LAP3: variants seen among roughly 807,000 people sequenced by gnomAD.
The protein encoded by LAP3 is cytosol aminopeptidase.
A neutral mutation model predicts 58.8 loss-of-function variants in LAP3; 46 were observed. That is an observed-to-expected ratio of 0.78 (90% CI 0.62 to 1.00). The LOEUF (loss-of-function observed/expected upper bound fraction) is 1.00, where lower values mean the gene tolerates loss of function less well. LAP3 is among the 50% of genes least tolerant of loss of function. The probability of loss-of-function intolerance (pLI) is 0.00; values close to 1 mark genes in which losing one functional copy is unlikely to be tolerated. For missense variants in LAP3, 615 were observed against 659.1 expected, an observed-to-expected ratio of 0.93 and a Z score of 0.73; for synonymous variants, 257 against 237.7, an observed-to-expected ratio of 1.08 and a Z score of -0.75.
At chr4:17,602,453 CTAATTAATGTAAAAATAGAAG>C (rs1714004730) in intron 10 of LAP3, among the ~76,000 whole-genome samples, 2 of 151,962 alleles carry the variant, frequency 1.3e-5, no homozygotes, top group Admixed American at 1.3e-4. Context: ...TAAAAATATG[CTAATTAATGTAAAAATAGAAG>C]TCAGCCAATG....
chr4:17,589,061 T>C (rs1713609431), intron 7 of LAP3, 84 bp downstream of exon 7: 2 of 1,415,048 alleles, frequency 1.4e-6, no homozygotes, highest in East Asian at 4.9e-5. Flanking sequence ...TTTTTTGGTT[T>C]GATTTTTTTT....
chr4:17,606,551 G>C (rs957299541), intron 11 of LAP3, among the ~76,000 whole-genome samples: 8 of 152,148 alleles, frequency 5.3e-5, no homozygotes, highest in African/African-American at 1.9e-4. Context: ...TGTTGGCCAG[G>C]ATGGTCTCGA....
At position 17,577,250 on chromosome 4, in the gene LAP3, CCTT is replaced by C; in HGVS notation, c.-215_-213del. The C allele has an allele frequency of 1.5e-5, 2 of 134,302 alleles. No homozygotes were observed. The highest frequency in any genetic ancestry group is 2.5e-5 in the Non-Finnish European group (2 of 80,618). 8.3% of individuals were successfully genotyped at this position (134,302 alleles called of 1,614,324 possible). A position where few individuals can be genotyped will look rare whatever the true frequency, so the allele number is the denominator to read the frequency against. ...CGGGCGCACACGAATGCGGGCGCAC[CCTT>C]GAGTCCCCTCCACAACCGCGGTTTG... On this transcript the variant is annotated 5_prime_UTR_variant, in exon 1 of 13. It removes the in-frame stop codon of an upstream open reading frame in the 5' UTR. Transcript: ENST00000226299.
chr4:17,596,711 A>G (rs1003340110), intron 8 of LAP3, among the ~76,000 whole-genome samples: 1 of 152,200 alleles, frequency 6.6e-6, no homozygotes. Flanking sequence ...AGATTTCTTG[A>G]TTCTAGACCC....
intron 5 of LAP3, 60 bp downstream of exon 5, chr4:17,583,702 T>C: frequency 6.3e-7 from 1 of 1,596,268 alleles, no homozygotes; most frequent in Non-Finnish European, 8.6e-7. Context: ...GCCTGGCTTT[T>C]GGGATATGAG....
chr4:17,590,949 A>G (rs1459074473), intron 7 of LAP3, among the ~76,000 whole-genome samples: 1 of 63,840 alleles, frequency 1.6e-5, no homozygotes, highest in Non-Finnish European at 3.0e-5. Context: ...TTTTTTTTTT[A>G]GTAGAGACGT....
chr4:17,593,617 T>TTTTTTTG (rs1713754840), intron 7 of LAP3, among the ~76,000 whole-genome samples: 2 of 137,074 alleles, frequency 1.5e-5, no homozygotes, highest in African/African-American at 5.5e-5. Context: ...GGGTTTTTTT[T>TTTTTTTG]TTTTTTTTTT....
intron 1 of LAP3, 138 bp from the exon 2 acceptor site, chr4:17,579,686 T>C (rs771930318): frequency 9.9e-6 from 5 of 506,926 alleles, no homozygotes; most frequent in Non-Finnish European, 1.7e-5. Flanking sequence ...ACCTGCTTCT[T>C]TTTTTGCTTT....
In LAP3 at chr4:17,607,515, C is replaced by T. The variant is rs138888755; in HGVS notation, c.1486C>T (p.Arg496Trp). The change falls in exon 13 of 13, where the codon CGG becomes TGG. Residue 496 changes from arginine to tryptophan, a missense_variant. Physicochemically the swap from Arg to Trp is moderately radical, Grantham distance 101. Coordinates refer to ENST00000226299, the MANE Select transcript of LAP3 (RefSeq NM_015907.3). ...MTNKDEVPYL[R>W]KGMTGRPTRT... ...CAACAAAGATGAAGTTCCCTATCTA[C>T]GGAAAGGCATGACTGGGAGGCCCAC... 4.2e-5 allele frequency: 67 copies of T among 1,613,946 alleles called. No homozygotes were observed. Among genetic ancestry groups the T allele is most frequent in the Admixed American group, 2.0e-4 (12 of 59,958 alleles).
At chr4:17,604,889 C>G (rs952669863) in intron 11 of LAP3, among the ~76,000 whole-genome samples, 1 of 152,124 alleles carries the variant, frequency 6.6e-6, no homozygotes, top group South Asian at 2.1e-4. Context: ...CCTCCGGTAG[C>G]CTCAGCGTCC....
chr4:17,583,395 T>G (rs1222433858), intron 4 of LAP3, 88 bp from the exon 5 acceptor site: 2 of 1,456,086 alleles, frequency 1.4e-6, no homozygotes, highest in African/African-American at 2.8e-5. Context: ...AGGGCTGTTT[T>G]CTCAGCACAT....
intron 10 of LAP3, among the ~76,000 whole-genome samples, chr4:17,599,135 G>A (rs911589910): frequency 8.5e-5 from 13 of 152,152 alleles, no homozygotes; most frequent in African/African-American, 2.9e-4. Context: ...GCCTCCCAAA[G>A]TGCTGGGATT....
chr4:17,606,228 T>G (rs1714135511), intron 11 of LAP3, among the ~76,000 whole-genome samples: 1 of 152,208 alleles, frequency 6.6e-6, no homozygotes. Flanking sequence ...ATAAGAACTC[T>G]TTCACCCTCA....
chr4:17,593,697 G>A (rs141848256), intron 7 of LAP3, among the ~76,000 whole-genome samples: 15 of 138,162 alleles, frequency 1.1e-4, no homozygotes, highest in African/African-American at 4.0e-4. Context: ...CTGCAGCCTC[G>A]ACCTCCCTGG....
chr4:17,593,742 A>G (rs12650220), intron 7 of LAP3, among the ~76,000 whole-genome samples: 1 of 150,610 alleles, frequency 6.6e-6, no homozygotes, highest in Admixed American at 6.6e-5. Flanking sequence ...CCTCCCGAGT[A>G]GCTGGGACTA....
At chr4:17,583,268 G>A (rs1033254229) in intron 4 of LAP3, among the ~76,000 whole-genome samples, 1 of 152,146 alleles carries the variant, frequency 6.6e-6, no homozygotes, top group African/African-American at 2.4e-5. Flanking sequence ...CCATCAGCCT[G>A]TCCTCACCAC....
chr4:17,589,091 C>T, intron 7 of LAP3, 114 bp downstream of exon 7: 5 of 1,059,854 alleles, frequency 4.7e-6, no homozygotes, highest in Non-Finnish European at 6.8e-6. Flanking sequence ...GGCAGAGTCT[C>T]ACCCTGTCAC....
intron 7 of LAP3, among the ~76,000 whole-genome samples, chr4:17,589,967 G>A (rs908360430): frequency 1.3e-5 from 2 of 152,170 alleles, no homozygotes; most frequent in African/African-American, 4.8e-5. Flanking sequence ...AACTGTATCT[G>A]GTTATTTCAG....
chr4:17,607,462 C>T lies in LAP3; in HGVS notation c.1433C>T (p.Ala478Val). The change falls in exon 13 of 13, where the codon GCA (alanine) becomes GTA (valine). Residue 478 changes from alanine to valine, a missense_variant. By Grantham distance (64) the Ala-to-Val change is moderately conservative. Transcript: ENST00000226299. ...GAATTCGTAACTCATCCTAAGTGGGCACATTTAGACATAGCAGGCGTGATG... is the reference window on the plus strand; with the variant it reads ...GAATTCGTAACTCATCCTAAGTGGGTACATTTAGACATAGCAGGCGTGATG... Reference protein sequence around the residue: ...LKEFVTHPKWAHLDIAGVMTN... With the variant: ...LKEFVTHPKWVHLDIAGVMTN... The T allele has an allele frequency of 6.2e-7, 1 of 1,613,908 alleles. No homozygotes were observed. Among genetic ancestry groups the T allele is most frequent in the Non-Finnish European group, 8.5e-7 (1 of 1,179,978 alleles).
Sources: allele counts gnomAD v4.1 joint callset (sites outside exome capture counted in the v4.1 genomes callset), GRCh38; gene constraint gnomAD v4.1.1; transcripts MANE v1.5; gene names NCBI Gene and HGNC (gene_info 2026-07-23, HGNC 2026-07-21).